The following KIAA0825 variants were observed in gnomAD, a reference collection of about 807,000 sequenced individuals.
The protein encoded by KIAA0825 is uncharacterized protein KIAA0825.
KIAA0825 carries 119 observed loss-of-function variants against 147.6 expected under a neutral mutation model. The ratio of observed to expected loss-of-function variants is 0.81; its 90% CI spans 0.69 to 0.94. The LOEUF (loss-of-function observed/expected upper bound fraction) is 0.94. KIAA0825 is among the 40% of genes least tolerant of loss of function. The probability of loss-of-function intolerance (pLI) is 0.00; values close to 1 mark genes in which losing one functional copy is unlikely to be tolerated. For missense variants in KIAA0825, 1,381 were observed against 1,472.7 expected, an observed-to-expected ratio of 0.94 and a Z score of 1.02; for synonymous variants, 470 against 518.1, an observed-to-expected ratio of 0.91 and a Z score of 1.26.
chr5:94,427,312 T>C (rs1159446892), intron 14 of KIAA0825, among the ~76,000 whole-genome samples: 1 of 152,028 alleles, frequency 6.6e-6, no homozygotes, highest in South Asian at 2.1e-4. Context: ...GTAGGGAGGA[T>C]TGTTCTAGGC....
chr5:94,289,553 AG>A (rs1219172601), intron 20 of KIAA0825, among the ~76,000 whole-genome samples: 5 of 150,534 alleles, frequency 3.3e-5, no homozygotes, highest in Non-Finnish European at 7.4e-5. Context: ...AAAAAAAAAA[AG>A]AGTAAACCTA....
At chr5:94,599,603 T>C (rs1394442811) in intron 1 of KIAA0825, among the ~76,000 whole-genome samples, 5 of 152,092 alleles carry the variant, frequency 3.3e-5, no homozygotes, top group Non-Finnish European at 7.4e-5. Context: ...GAGTAGGCAA[T>C]GGTTTCTTAA....
At chr5:94,255,205 G>A (rs986989683) in intron 20 of KIAA0825, among the ~76,000 whole-genome samples, 4 of 151,344 alleles carry the variant, frequency 2.6e-5, no homozygotes, top group Non-Finnish European at 4.4e-5. Flanking sequence ...TGGACCCTAC[G>A]GAAAGGGTAA....
intron 3 of KIAA0825, among the ~76,000 whole-genome samples, chr5:94,524,700 A>C (rs1768924504): frequency 6.6e-6 from 1 of 151,758 alleles, no homozygotes; most frequent in African/African-American, 2.4e-5. Context: ...AATGAAGCAA[A>C]GGGTTAATAG....
In KIAA0825 at chr5:94,352,193, A is replaced by G. The variant is rs145584043; in HGVS notation, c.3710+32175T>C. 1.0e-3 allele frequency among the ~76,000 whole-genome samples: 158 copies of G among 152,364 alleles called. 2 individuals are homozygous for G. The highest frequency in any genetic ancestry group is 3.5e-3 in the African/African-American group (147 of 41,586). On this transcript the variant is annotated intron_variant, in intron 20 of 20. Coordinates refer to ENST00000682413, the MANE Select transcript of KIAA0825 (RefSeq NM_001145678.3). ...ATCTGACAAAGGACTCATATCCAGA[A>G]TTTACAAAGAACTCAAACAAATCAG...
intron 7 of KIAA0825, among the ~76,000 whole-genome samples, chr5:94,475,383 T>C (rs1309769830): frequency 6.8e-6 from 1 of 147,556 alleles, no homozygotes; most frequent in Non-Finnish European, 1.5e-5. Context: ...CTGTATTGAA[T>C]TTTTAAAAAT....
At chr5:94,432,211 C>T (rs1042369064) in intron 14 of KIAA0825, among the ~76,000 whole-genome samples, 7 of 152,266 alleles carry the variant, frequency 4.6e-5, no homozygotes, top group Admixed American at 2.6e-4. Flanking sequence ...AGAAAGTTGC[C>T]TGGGAACCAG....
intron 20 of KIAA0825, among the ~76,000 whole-genome samples, chr5:94,336,053 AG>A (rs1192325773): frequency 6.6e-6 from 1 of 152,092 alleles, no homozygotes; most frequent in Non-Finnish European, 1.5e-5. Flanking sequence ...ATTAGGATTT[AG>A]TGTCAAGGTT....
intron 20 of KIAA0825, among the ~76,000 whole-genome samples, chr5:94,375,460 G>A (rs1333034324): frequency 2.6e-5 from 4 of 152,146 alleles, no homozygotes; most frequent in Admixed American, 6.5e-5. Context: ...CACTCCAGGT[G>A]TTATTAATGT....
intron 20 of KIAA0825, among the ~76,000 whole-genome samples, chr5:94,269,716 A>G (rs1429337616): frequency 6.6e-6 from 1 of 152,148 alleles, no homozygotes; most frequent in Admixed American, 6.5e-5. Flanking sequence ...AAAAGTAGAA[A>G]AACTTCAAAT....
intron 12 of KIAA0825, among the ~76,000 whole-genome samples, chr5:94,458,556 C>G (rs1281167351): frequency 6.6e-6 from 1 of 152,014 alleles, no homozygotes; most frequent in African/African-American, 2.4e-5. Flanking sequence ...ATGACTGGCT[C>G]TTTTGGGGTA....
intron 14 of KIAA0825, among the ~76,000 whole-genome samples, chr5:94,425,276 A>T (rs1337788658): frequency 6.6e-6 from 1 of 152,224 alleles, no homozygotes; most frequent in African/African-American, 2.4e-5. Context: ...ATCAAAAAAA[A>T]TAATACACCT....
intron 20 of KIAA0825, among the ~76,000 whole-genome samples, chr5:94,323,884 A>G (rs1354370781): frequency 6.6e-6 from 1 of 152,000 alleles, no homozygotes; most frequent in Admixed American, 6.6e-5. Context: ...CTAACAAGAC[A>G]TCCAATTTAC....
intron 1 of KIAA0825, among the ~76,000 whole-genome samples, chr5:94,591,478 A>G (rs1784348960): frequency 6.6e-6 from 1 of 152,236 alleles, no homozygotes; most frequent in Non-Finnish European, 1.5e-5. Context: ...AAGCATGGGC[A>G]TGGGTACCCC....
intron 5 of KIAA0825, among the ~76,000 whole-genome samples, chr5:94,485,909 C>G (rs1338919352): frequency 6.6e-6 from 1 of 151,402 alleles, no homozygotes. Flanking sequence ...ATTGTGATAT[C>G]TATTATTTGC....
At chr5:94,480,406 G>GA (rs1192507359) in intron 6 of KIAA0825, among the ~76,000 whole-genome samples, 12 of 152,078 alleles carry the variant, frequency 7.9e-5, no homozygotes, top group African/African-American at 2.6e-4. Context: ...TTTTAGAACA[G>GA]AAAAAATAAT....
chr5:94,416,742 T>C (rs1188241004), intron 15 of KIAA0825: 1 of 159,278 alleles, frequency 6.3e-6, no homozygotes, highest in Non-Finnish European at 1.4e-5. Context: ...CAGGATATGC[T>C]TGCCTTGTAG....
chr5:94,600,809 A>G (rs1786269311), intron 1 of KIAA0825, among the ~76,000 whole-genome samples: 1 of 152,160 alleles, frequency 6.6e-6, no homozygotes, highest in Non-Finnish European at 1.5e-5. Context: ...GTGTGACCAG[A>G]TTGCTTCCTT....
At chr5:94,441,108 A>G (rs1757023992) in intron 13 of KIAA0825, among the ~76,000 whole-genome samples, 1 of 152,116 alleles carries the variant, frequency 6.6e-6, no homozygotes, top group Non-Finnish European at 1.5e-5. Flanking sequence ...AATCTGCAGC[A>G]TTATCATTAG....
Sources: allele counts gnomAD v4.1 joint callset (sites outside exome capture counted in the v4.1 genomes callset), GRCh38; gene constraint gnomAD v4.1.1; transcripts MANE v1.5; gene names NCBI Gene and HGNC (gene_info 2026-07-23, HGNC 2026-07-21).